The following EXOC4 variants were observed in gnomAD, a reference collection of about 807,000 sequenced individuals.
EXOC4 encodes exocyst complex component 4, also known as SEC8-like 1.
Under a neutral mutation model 107.2 loss-of-function variants are expected in EXOC4, and 71 were observed. The ratio of observed to expected loss-of-function variants is 0.66; its 90% confidence interval spans 0.55 to 0.81. EXOC4 has a LOEUF of 0.81. EXOC4 is among the 30% of genes least tolerant of loss of function. The probability of loss-of-function intolerance (pLI) is 0.00; values close to 1 mark genes in which losing one functional copy is unlikely to be tolerated. For missense variants in EXOC4, 1,108 were observed against 1,189.6 expected (o/e 0.93, Z 1.01); for synonymous variants, 456 against 441.2 (o/e 1.03, Z -0.42).
chr7:133,273,884 TAAATG>T (rs1213400717), intron 1 of EXOC4, among the ~76,000 whole-genome samples: 2 of 152,042 alleles, frequency 1.3e-5, no homozygotes, highest in African/African-American at 2.4e-5. Flanking sequence ...TTAAAAAAGA[TAAATG>T]AAATAAACTA....
At chr7:133,425,912 C>T (rs993346035) in intron 7 of EXOC4, among the ~76,000 whole-genome samples, 3 of 152,160 alleles carry the variant, frequency 2.0e-5, no homozygotes, top group African/African-American at 7.2e-5. Flanking sequence ...TGAGGTGTCC[C>T]ACCTTTCTGG....
At chr7:133,954,125 A>G (rs1197558522) in intron 14 of EXOC4, among the ~76,000 whole-genome samples, 1 of 152,238 alleles carries the variant, frequency 6.6e-6, no homozygotes, top group Non-Finnish European at 1.5e-5. Context: ...TGGATAAGTG[A>G]CTTAAAAGGG....
intron 7 of EXOC4, among the ~76,000 whole-genome samples, chr7:133,418,209 C>G (rs1439848421): frequency 3.3e-5 from 5 of 152,128 alleles, no homozygotes; most frequent in African/African-American, 1.2e-4. Context: ...TTGGAGAATC[C>G]CAGACTCGAC....
intron 2 of EXOC4, among the ~76,000 whole-genome samples, chr7:133,279,360 T>C (rs990117611): frequency 6.6e-6 from 1 of 152,090 alleles, no homozygotes. Flanking sequence ...GGTCAAATGG[T>C]ATTTCTAGTT....
At chr7:133,296,422 G>A (rs760667706) in intron 3 of EXOC4, among the ~76,000 whole-genome samples, 3 of 152,070 alleles carry the variant, frequency 2.0e-5, no homozygotes, top group Admixed American at 6.6e-5. Context: ...GCTTTTAGCC[G>A]CATTTGAGAC....
At chr7:134,079,454 C>A in the EXOC4 span, among the ~76,000 whole-genome samples, 1 of 152,070 alleles carries the variant, frequency 6.6e-6, no homozygotes, top group African/African-American at 2.4e-5. Flanking sequence ...TAAAGTCTTA[C>A]CAGCCCACCA....
At chr7:133,510,937 A>G (rs186655185) in intron 9 of EXOC4, among the ~76,000 whole-genome samples, 1 of 152,326 alleles carries the variant, frequency 6.6e-6, no homozygotes, top group East Asian at 1.9e-4. Flanking sequence ...GTGCCGGTAC[A>G]TAATATGCTC....
At chr7:133,657,854 G>A (rs756919609) in intron 10 of EXOC4, among the ~76,000 whole-genome samples, 1 of 152,148 alleles carries the variant, frequency 6.6e-6, no homozygotes, top group Non-Finnish European at 1.5e-5. Context: ...TTTATTCATT[G>A]ATTCATTCAG....
At chr7:133,648,565 T>C (rs1053768288) in intron 10 of EXOC4, among the ~76,000 whole-genome samples, 1 of 152,170 alleles carries the variant, frequency 6.6e-6, no homozygotes, top group Non-Finnish European at 1.5e-5. Context: ...CCTTATTTTA[T>C]AGTAGGATGA....
intron 7 of EXOC4, among the ~76,000 whole-genome samples, chr7:133,465,562 G>A (rs1798707743): frequency 6.6e-6 from 1 of 152,082 alleles, no homozygotes; most frequent in South Asian, 2.1e-4. Context: ...TGACATGTAT[G>A]GTACACTCAA....
chr7:133,698,926 T>G (rs1191291328), intron 10 of EXOC4, among the ~76,000 whole-genome samples: 1 of 150,466 alleles, frequency 6.6e-6, no homozygotes, highest in Non-Finnish European at 1.5e-5. Context: ...AATAGGCATG[T>G]GCTTTGCAAG....
chr7:133,544,644 T>C (rs1000613995), intron 9 of EXOC4, among the ~76,000 whole-genome samples: 5 of 152,228 alleles, frequency 3.3e-5, no homozygotes, highest in Non-Finnish European at 7.4e-5. Flanking sequence ...TTTTCTTTCC[T>C]CTATTCTTAA....
chr7:133,542,378 C>G (rs1035114522), intron 9 of EXOC4, among the ~76,000 whole-genome samples: 1 of 152,190 alleles, frequency 6.6e-6, no homozygotes, highest in Non-Finnish European at 1.5e-5. Flanking sequence ...CCTATCCTCT[C>G]TGAGCATGCA....
intron 1 of EXOC4, among the ~76,000 whole-genome samples, chr7:133,258,584 G>A (rs1267717142): frequency 6.6e-6 from 1 of 152,198 alleles, no homozygotes; most frequent in Non-Finnish European, 1.5e-5. Flanking sequence ...TTGGCACACG[G>A]TAGGCACTCA....
In EXOC4 at chr7:133,929,635, T is replaced by A. The variant is rs1426036044; in HGVS notation, c.2028-8256T>A. 2.0e-5 allele frequency among the ~76,000 whole-genome samples: 3 copies of A among 152,140 alleles called. No individual in the cohort carries two copies. In the East Asian group the frequency reaches 5.8e-4, roughly 29 times the overall value. On this transcript the variant is annotated intron_variant, in intron 13 of 17. Transcript: ENST00000253861. ...GTTTGTTACATGGGTAAATTGCATG[T>A]CATGGGGATTTAGCCTACAGAATAT...
At chr7:133,884,397 T>C (rs1177380724) in intron 11 of EXOC4, among the ~76,000 whole-genome samples, 1 of 152,190 alleles carries the variant, frequency 6.6e-6, no homozygotes, top group African/African-American at 2.4e-5. Flanking sequence ...CAATCCCCCA[T>C]ATGGCTGGTG....
At chr7:133,564,092 C>T (rs150630965) in intron 9 of EXOC4, among the ~76,000 whole-genome samples, 1 of 152,236 alleles carries the variant, frequency 6.6e-6, no homozygotes, top group East Asian at 1.9e-4. Flanking sequence ...TTGTATTAGT[C>T]CGTTCTCACA....
intron 10 of EXOC4, among the ~76,000 whole-genome samples, chr7:133,757,160 G>C (rs1404334692): frequency 1.3e-5 from 2 of 151,944 alleles, no homozygotes; most frequent in Non-Finnish European, 2.9e-5. Context: ...TTTTTTCCAG[G>C]GCCCTCTTCT....
intron 10 of EXOC4, among the ~76,000 whole-genome samples, chr7:133,673,724 CT>C (rs1793995838): frequency 6.6e-6 from 1 of 152,200 alleles, no homozygotes; most frequent in Non-Finnish European, 1.5e-5. Flanking sequence ...ACACATGCTT[CT>C]TTTCCTTGCC....
Sources: gnomAD v4.1 joint callset for allele counts (sites outside exome capture counted in the v4.1 genomes callset) on GRCh38, gnomAD v4.1.1 for gene constraint, MANE v1.5 for transcripts, NCBI Gene and HGNC (gene_info 2026-07-23, HGNC 2026-07-21) for gene names.